Variants in SUPT5H observed in about 807,000 individuals in gnomAD.
SUPT5H encodes the protein transcription elongation factor SPT5.
In SUPT5H, 24 loss-of-function variants were observed where a neutral mutation model predicts 142.5. That is an observed-to-expected ratio of 0.17 (90% confidence interval 0.12 to 0.24). The LOEUF (loss-of-function observed/expected upper bound fraction) is 0.24, where lower values mean the gene tolerates loss of function less well. Among genes scored for constraint, SUPT5H ranks in the 10% least tolerant of loss-of-function variants. SUPT5H has a pLI of 1.00. For missense variants in SUPT5H, 893 were observed against 1,471.8 expected (o/e 0.61, Z 6.43); for synonymous variants, 546 against 553.0 (o/e 0.99, Z 0.18).
intron 2 of SUPT5H, among the ~76,000 whole-genome samples, chr19:39,449,766 A>G (rs1475487632): frequency 6.6e-6 from 1 of 150,626 alleles, no homozygotes; most frequent in Admixed American, 6.6e-5. Context: ...CAGCTTCCTG[A>G]GTAGCTGGGA....
At position 39,476,071 on chromosome 19, in the gene SUPT5H, C is replaced by T; in HGVS notation, c.3025-10C>T. On this transcript the variant is annotated splice_polypyrimidine_tract_variant and intron_variant, in intron 28 of 29. Transcript: ENST00000432763. ...CAGGACAGGCTGACCAGGCTGTCCC[C>T]ATCCTCCAGGGGGGCATGTGCTCTG... is the stretch of plus-strand genomic sequence containing the variant. 2 of 1,613,690 alleles carry T rather than the reference C, an allele frequency of 1.2e-6. No individual in the cohort carries two copies. Among genetic ancestry groups the T allele is most frequent in the Non-Finnish European group, 1.7e-6 (2 of 1,179,716 alleles).
chr19:39,475,953 T>G, intron 28 of SUPT5H, 128 bp from the exon 29 acceptor site: 1 of 843,584 alleles, frequency 1.2e-6, no homozygotes, highest in South Asian at 1.7e-5. Flanking sequence ...AGGCCCAGCC[T>G]TGGCCTTTCC....
At chr19:39,471,146 G>T (rs753583253) in intron 18 of SUPT5H, among the ~76,000 whole-genome samples, 1 of 152,106 alleles carries the variant, frequency 6.6e-6, no homozygotes, top group African/African-American at 2.4e-5. Context: ...CCTTCCAAAG[G>T]GTGTTTTAGA....
Position 39,458,766 on chromosome 19 carries a change from G to T in SUPT5H, c.320-52G>T. On this transcript the variant is annotated intron_variant, in intron 5 of 29. Coordinates refer to ENST00000432763, the MANE Select transcript of SUPT5H (RefSeq NM_001111020.3). The surrounding 1 kb of genome is among the most constrained non-coding windows in gnomAD (Gnocchi z 4.2). ...AGCTGCACGCTCCTATTTTCTCCAGGCCCCTGCCCTCCACCTGCCCTTGCT... is the reference window on the plus strand; with the variant it reads ...AGCTGCACGCTCCTATTTTCTCCAGTCCCCTGCCCTCCACCTGCCCTTGCT... The T allele has an allele frequency of 6.5e-7, 1 of 1,535,590 alleles. No individual in the cohort carries two copies. Among genetic ancestry groups the T allele is most frequent in the Non-Finnish European group, 8.9e-7 (1 of 1,129,632 alleles).
chr19:39,464,453 G>A (rs985958280), intron 10 of SUPT5H, among the ~76,000 whole-genome samples: 1 of 152,014 alleles, frequency 6.6e-6, no homozygotes, highest in Non-Finnish European at 1.5e-5. Context: ...TCAACCTCCC[G>A]GGCTCAAGCA....
In SUPT5H at chr19:39,472,939, G is replaced by C. The variant is rs368094815; in HGVS notation, c.2155+10G>C. 23 of 1,611,226 alleles carry C rather than the reference G, an allele frequency of 1.4e-5. No homozygotes were observed. Among genetic ancestry groups the C allele is most frequent in the Non-Finnish European group, 2.0e-5 (23 of 1,178,396 alleles). Reference sequence around the variant, plus strand: ...CAGGGGCCCTACAAAGGTGACCTGCGAGGCCTGTGGAGGCCTGGGGAGGGG... The same window carrying C: ...CAGGGGCCCTACAAAGGTGACCTGCCAGGCCTGTGGAGGCCTGGGGAGGGG... On this transcript the variant is annotated intron_variant, in intron 22 of 29. Coordinates refer to ENST00000432763, the MANE Select transcript of SUPT5H (RefSeq NM_001111020.3). This position sits in a 1 kb window ranked among gnomAD's most constrained non-coding sequence, Gnocchi z 4.2.
rs1219584475 is a variant in SUPT5H, at chr19:39,458,452, G to C, written c.319+147G>C. 2.1e-6 allele frequency: 3 copies of C among 1,395,796 alleles called. No homozygotes were observed. Among genetic ancestry groups the C allele is most frequent in the East Asian group, 4.6e-5 (2 of 43,386 alleles). The allele number at this position is 1,395,796 out of a possible 1,614,324, so 86.5% of individuals were successfully genotyped here. On this transcript the variant is annotated intron_variant, in intron 5 of 29. Transcript: ENST00000432763. This position sits in a 1 kb window ranked among gnomAD's most constrained non-coding sequence, Gnocchi z 4.2. The stretch of plus-strand genomic sequence containing the variant: ...TGACCCATGTAGGATCCAGAGTCAG[G>C]GAGTTCTGGGGCCAGGTATACCCCA...
intron 13 of SUPT5H, chr19:39,467,514 T>A (rs989320847): frequency 6.6e-6 from 1 of 152,246 alleles, no homozygotes; most frequent in Admixed American, 6.5e-5. Context: ...TATATTGAAA[T>A]GGGATTCATG....
In SUPT5H at chr19:39,474,422, C is replaced by T; in HGVS notation, c.2820+20C>T. ...TATCAGGTAATGGTCTGCCTGCCTGCCCTGAAGGGTGGTGGGCTAGGGTGA... is the reference window on the plus strand; with the variant it reads ...TATCAGGTAATGGTCTGCCTGCCTGTCCTGAAGGGTGGTGGGCTAGGGTGA... On this transcript the variant is annotated intron_variant, in intron 27 of 29. Coordinates refer to ENST00000432763, the MANE Select transcript of SUPT5H (RefSeq NM_001111020.3). The surrounding 1 kb of genome is among the most constrained non-coding windows in gnomAD (Gnocchi z 6.5). 6.2e-7 allele frequency: 1 copy of T among 1,611,598 alleles called. No homozygotes were observed.
Position 39,472,362 on chromosome 19 carries a change from G to T in SUPT5H, c.1951-47G>T. ...GGATGATGAGTTCCTGTGGTTTGTG[G>T]TTCCCCCATCCCCTGCCTGCCAGTT... On this transcript the variant is annotated intron_variant, in intron 20 of 29. Coordinates refer to ENST00000432763, the MANE Select transcript of SUPT5H (RefSeq NM_001111020.3). This position sits in a 1 kb window ranked among gnomAD's most constrained non-coding sequence, Gnocchi z 4.2. 1 of 1,588,652 alleles carries T rather than the reference G, an allele frequency of 6.3e-7. No homozygotes were observed.
chr19:39,472,372 C>T lies in SUPT5H; in HGVS notation c.1951-37C>T. 6.2e-7 allele frequency: 1 copy of T among 1,604,382 alleles called. No homozygotes were observed. Among genetic ancestry groups the T allele is most frequent in the East Asian group, 2.2e-5 (1 of 44,792 alleles). Reference sequence around the variant, plus strand: ...TTCCTGTGGTTTGTGGTTCCCCCATCCCCTGCCTGCCAGTTCACTCCTTGC... The same window carrying T: ...TTCCTGTGGTTTGTGGTTCCCCCATTCCCTGCCTGCCAGTTCACTCCTTGC... On this transcript the variant is annotated intron_variant, in intron 20 of 29. Coordinates refer to ENST00000432763, the MANE Select transcript of SUPT5H (RefSeq NM_001111020.3). This position sits in a 1 kb window ranked among gnomAD's most constrained non-coding sequence, Gnocchi z 4.2.
Position 39,458,409 on chromosome 19 carries a change from G to A in SUPT5H, c.319+104G>A. On this transcript the variant is annotated intron_variant, in intron 5 of 29. Transcript: ENST00000432763. This position sits in a 1 kb window ranked among gnomAD's most constrained non-coding sequence, Gnocchi z 4.2. ...ACCGGTAGCCTCCCCACCAGCCCCG[G>A]TCTGGCCCTGAGGGCTCTGACCCAT... 5 of 1,580,320 alleles carry A rather than the reference G, an allele frequency of 3.2e-6. No individual in the cohort carries two copies. In the Admixed American group the frequency reaches 5.1e-5, roughly 16 times the overall value.
rs2079122593 is a variant in SUPT5H, at chr19:39,458,631, C to G, written c.320-187C>G. On this transcript the variant is annotated intron_variant, in intron 5 of 29. Coordinates refer to ENST00000432763, the MANE Select transcript of SUPT5H (RefSeq NM_001111020.3). The surrounding 1 kb of genome is among the most constrained non-coding windows in gnomAD (Gnocchi z 4.2). Reference sequence around the variant, plus strand: ...CAACTTGCTGGGCCCCATCCCCAGTCTTTTTGACAAGAAGCAGGATGCTGA... The same window carrying G: ...CAACTTGCTGGGCCCCATCCCCAGTGTTTTTGACAAGAAGCAGGATGCTGA... 1 of 723,028 alleles carries G rather than the reference C, an allele frequency of 1.4e-6. No homozygotes were observed. Among genetic ancestry groups the G allele is most frequent in the East Asian group, 2.7e-5 (1 of 36,672 alleles). The allele number at this position is 723,028 out of a possible 1,614,324, so 44.8% of individuals were successfully genotyped here.
chr19:39,454,658 G>T (rs180876382), intron 3 of SUPT5H, among the ~76,000 whole-genome samples: 67 of 152,168 alleles, frequency 4.4e-4, no homozygotes, highest in African/African-American at 1.5e-3. Flanking sequence ...TTTAAAAAAA[G>T]ATTTTTTATA....
chr19:39,465,919 T>C (rs2079229120), intron 11 of SUPT5H, among the ~76,000 whole-genome samples: 1 of 152,206 alleles, frequency 6.6e-6, no homozygotes, highest in Non-Finnish European at 1.5e-5. Context: ...TTTTGGAATA[T>C]TTGCATTATA....
chr19:39,458,667 G>A lies in SUPT5H; in HGVS notation c.320-151G>A, dbSNP rs1387373968. Reference sequence around the variant, plus strand: ...GAAGCAGGATGCTGAGTAGGACAGAGTAGGGGATGAGGGGTTGGGATTTCC... The same window carrying A: ...GAAGCAGGATGCTGAGTAGGACAGAATAGGGGATGAGGGGTTGGGATTTCC... On this transcript the variant is annotated intron_variant, in intron 5 of 29. Transcript: ENST00000432763. This position sits in a 1 kb window ranked among gnomAD's most constrained non-coding sequence, Gnocchi z 4.2. 3 of 778,490 alleles carry A rather than the reference G, an allele frequency of 3.9e-6. No individual in the cohort carries two copies. Among genetic ancestry groups the A allele is most frequent in the Non-Finnish European group, 6.1e-6 (3 of 488,036 alleles). The allele number at this position is 778,490 out of a possible 1,614,324, so 48.2% of individuals were successfully genotyped here. A position where few individuals can be genotyped will look rare whatever the true frequency, so the allele number is the denominator to read the frequency against.
At chr19:39,475,076 G>T in intron 28 of SUPT5H, 1 of 333,704 alleles carries the variant, frequency 3.0e-6, no homozygotes, top group Non-Finnish European at 5.7e-6. Flanking sequence ...GTTTGTTGTG[G>T]CTGGAACATA....
Position 39,464,838 on chromosome 19 carries a change from A to G in SUPT5H, c.665A>G (p.Lys222Arg). 12 of 1,613,706 alleles carry G rather than the reference A, an allele frequency of 7.4e-6. No homozygotes were observed. Among genetic ancestry groups the G allele is most frequent in the Non-Finnish European group, 8.5e-6 (10 of 1,179,632 alleles). Residue 222 changes from lysine to arginine, a missense_variant, in exon 11 of 30, where the codon AAG (lysine) becomes AGG (arginine). By Grantham distance (26) the Lys-to-Arg change is conservative. This residue lies in a region of SUPT5H where 428 missense variants were observed against 763.5 expected (regional missense o/e 0.56). Coordinates refer to ENST00000432763, the MANE Select transcript of SUPT5H (RefSeq NM_001111020.3). ...IKSVVAPEHVKGYIYVEAYKQ... is the reference protein window; with the variant it reads ...IKSVVAPEHVRGYIYVEAYKQ... ...TCAGTAGTGGCACCAGAGCATGTGA[A>G]GGGCTACATCTACGTGGAGGCCTAC... is the stretch of plus-strand genomic sequence containing the variant.
chr19:39,450,327 G>T (rs1332547045), intron 2 of SUPT5H, among the ~76,000 whole-genome samples: 1 of 152,030 alleles, frequency 6.6e-6, no homozygotes, highest in East Asian at 1.9e-4. Flanking sequence ...CCAGGCTGGA[G>T]TGTAGTGGCA....
Sources: allele counts gnomAD v4.1 joint callset (sites outside exome capture counted in the v4.1 genomes callset), GRCh38; gene constraint gnomAD v4.1.1; regional missense constraint gnomAD v4.1.1; non-coding constraint Gnocchi (gnomAD v3.1); transcripts MANE v1.5; gene names NCBI Gene and HGNC (gene_info 2026-07-23, HGNC 2026-07-21).